Variants in HS3ST4 observed in about 807,000 individuals in gnomAD.
HS3ST4 encodes heparan sulfate-glucosamine 3-sulfotransferase 4, also known as heparan sulfate glucosamine 3-O-sulfotransferase 4.
HS3ST4 carries 17 observed loss-of-function variants against 29.2 expected under a neutral mutation model. That is an observed-to-expected ratio of 0.58 (90% confidence interval 0.40 to 0.87). The LOEUF (loss-of-function observed/expected upper bound fraction) is 0.87, where lower values mean the gene tolerates loss of function less well. HS3ST4 is among the 40% of genes least tolerant of loss of function. HS3ST4 has a pLI of 0.00. For synonymous variants in HS3ST4, 314 were observed against 285.7 expected (o/e 1.10, Z -1.00); for missense variants, 627 against 634.5 (o/e 0.99, Z 0.13).
intron 1 of HS3ST4, among the ~76,000 whole-genome samples, chr16:26,097,296 C>A (rs1275272676): frequency 2.0e-5 from 3 of 152,246 alleles, no homozygotes; most frequent in African/African-American, 7.2e-5. Flanking sequence ...GCAAAAAGAG[C>A]AAAGCTGGAG....
intron 1 of HS3ST4, among the ~76,000 whole-genome samples, chr16:25,977,477 T>C (rs1173193589): frequency 6.6e-6 from 1 of 152,218 alleles, no homozygotes; most frequent in Non-Finnish European, 1.5e-5. Flanking sequence ...TTCCTATCAA[T>C]GCTGAAACAG....
intron 1 of HS3ST4, among the ~76,000 whole-genome samples, chr16:26,015,309 G>A (rs556247573): frequency 2.6e-5 from 4 of 152,304 alleles, no homozygotes; most frequent in East Asian, 1.9e-4. Context: ...GAAACGATAC[G>A]TATTACAACC....
At chr16:25,757,585 A>G (rs554970667) in intron 1 of HS3ST4, among the ~76,000 whole-genome samples, 1 of 148,578 alleles carries the variant, frequency 6.7e-6, no homozygotes, top group Admixed American at 6.7e-5. Context: ...ATAGTAATAT[A>G]TTATATAATA....
At chr16:25,918,131 A>C (rs1460147304) in intron 1 of HS3ST4, among the ~76,000 whole-genome samples, 1 of 152,236 alleles carries the variant, frequency 6.6e-6, no homozygotes, top group Non-Finnish European at 1.5e-5. Flanking sequence ...TTTGTTGGAC[A>C]GTAGGTCTTG....
At chr16:25,762,251 C>T (rs1229011754) in intron 1 of HS3ST4, among the ~76,000 whole-genome samples, 1 of 152,176 alleles carries the variant, frequency 6.6e-6, no homozygotes, top group Non-Finnish European at 1.5e-5. Context: ...TCCGTTACAG[C>T]AGCACAGCTG....
intron 1 of HS3ST4, among the ~76,000 whole-genome samples, chr16:25,730,237 T>C (rs1966561677): frequency 6.6e-6 from 1 of 152,044 alleles, no homozygotes; most frequent in Admixed American, 6.6e-5. Flanking sequence ...ATAGGTGACA[T>C]TTTTTTCTTC....
chr16:25,877,868 C>T (rs1967849095), intron 1 of HS3ST4, among the ~76,000 whole-genome samples: 1 of 152,222 alleles, frequency 6.6e-6, no homozygotes, highest in Non-Finnish European at 1.5e-5. Flanking sequence ...ATTTGCTAGA[C>T]ATTTACTGTG....
At chr16:26,080,101 T>C (rs1312728590) in intron 1 of HS3ST4, among the ~76,000 whole-genome samples, 1 of 152,080 alleles carries the variant, frequency 6.6e-6, no homozygotes, top group Admixed American at 6.5e-5. Context: ...ATACTATTAC[T>C]CTTCAGAAAT....
At chr16:26,022,708 C>T (rs569284027) in intron 1 of HS3ST4, among the ~76,000 whole-genome samples, 1 of 147,386 alleles carries the variant, frequency 6.8e-6, no homozygotes, top group African/African-American at 2.5e-5. Context: ...GAGAGTCTTG[C>T]TATGTTGCCC....
At chr16:26,083,661 T>C (rs371659526) in intron 1 of HS3ST4, among the ~76,000 whole-genome samples, 31 of 152,242 alleles carry the variant, frequency 2.0e-4, no homozygotes, top group African/African-American at 7.5e-4. Flanking sequence ...ATTTAACCCA[T>C]GGACAATGTT....
At chr16:26,032,877 G>C in intron 1 of HS3ST4, 1 of 1,448,816 alleles carries the variant, frequency 6.9e-7, no homozygotes, top group Non-Finnish European at 9.5e-7. Context: ...CGCGGGCTTT[G>C]GTCGGTCTGG....
At chr16:25,807,856 G>T (rs911441104) in intron 1 of HS3ST4, among the ~76,000 whole-genome samples, 1 of 152,102 alleles carries the variant, frequency 6.6e-6, no homozygotes, top group South Asian at 2.1e-4. Context: ...GGTGAGTAGT[G>T]GTATCTCATT....
chr16:25,747,743 T>C (rs1966693900), intron 1 of HS3ST4, among the ~76,000 whole-genome samples: 1 of 152,212 alleles, frequency 6.6e-6, no homozygotes, highest in African/African-American at 2.4e-5. Context: ...CCACTGCCTC[T>C]CAGATGCCCA....
intron 1 of HS3ST4, among the ~76,000 whole-genome samples, chr16:25,845,621 G>C (rs1967457850): frequency 6.7e-6 from 1 of 149,874 alleles, no homozygotes; most frequent in Non-Finnish European, 1.5e-5. Context: ...CAAAATGATT[G>C]TGCCAAGGAA....
chr16:26,061,940 A>C (rs1898480780), intron 1 of HS3ST4, among the ~76,000 whole-genome samples: 3 of 152,184 alleles, frequency 2.0e-5, no homozygotes, highest in Admixed American at 2.0e-4. Flanking sequence ...TATAAAGGTC[A>C]AAATTCACCC....
intron 1 of HS3ST4, among the ~76,000 whole-genome samples, chr16:25,714,933 G>A (rs1454685336): frequency 6.6e-6 from 1 of 152,188 alleles, no homozygotes; most frequent in Non-Finnish European, 1.5e-5. Flanking sequence ...AATTCTGGAT[G>A]CCTTTTGATA....
intron 1 of HS3ST4, among the ~76,000 whole-genome samples, chr16:25,837,383 G>A (rs1249758891): frequency 6.6e-6 from 1 of 151,950 alleles, no homozygotes; most frequent in Non-Finnish European, 1.5e-5. Context: ...AGGAATATGT[G>A]AAAAAAATGA....
rs948581154 is a variant in HS3ST4, at chr16:25,863,310, T to C, written c.734+170159T>C. Reference sequence around the variant, plus strand: ...GTTGGCCAGGATGATCTCAATCTCTTGACCTCCTGATCTGCCCGCTTCAGC... The same window carrying C: ...GTTGGCCAGGATGATCTCAATCTCTCGACCTCCTGATCTGCCCGCTTCAGC... On this transcript the variant is annotated intron_variant, in intron 1 of 1. Coordinates refer to ENST00000331351, the MANE Select transcript of HS3ST4 (RefSeq NM_006040.3). 3.9e-5 allele frequency among the ~76,000 whole-genome samples: 6 copies of C among 152,230 alleles called. No homozygotes were observed. In the East Asian group the frequency reaches 1.2e-3, roughly 29 times the overall value.
chr16:25,692,814 G>A lies in HS3ST4; in HGVS notation c.397G>A (p.Gly133Arg), dbSNP rs1227768876. Reference sequence around the variant, plus strand: ...CGGCTGGGGGCTGCCGAGCGGCGGCGGAGGCGCCCAGGACGCCTGGCTCCG... The same window carrying A: ...CGGCTGGGGGCTGCCGAGCGGCGGCAGAGGCGCCCAGGACGCCTGGCTCCG... ...TDGWGLPSGGGGAQDAWLRTP... is the reference protein window; with the variant it reads ...TDGWGLPSGGRGAQDAWLRTP... Residue 133 changes from glycine to arginine, a missense_variant, in exon 1 of 2, where the codon GGA becomes AGA. Physicochemically the swap from Gly to Arg is moderately radical, Grantham distance 125. Around this residue, in one of 2 missense-constraint regions of HS3ST4, gnomAD observed 402 missense variants for 340.8 expected, o/e 1.18. Coordinates refer to ENST00000331351, the MANE Select transcript of HS3ST4 (RefSeq NM_006040.3). The A allele has an allele frequency of 7.2e-7, 1 of 1,382,782 alleles. No individual in the cohort carries two copies. The highest frequency in any genetic ancestry group is 9.3e-7 in the Non-Finnish European group (1 of 1,077,164). The allele number at this position is 1,382,782 out of a possible 1,614,324, so 85.7% of individuals were successfully genotyped here. A position where few individuals can be genotyped will look rare whatever the true frequency, so the allele number is the denominator to read the frequency against.
Sources: gnomAD v4.1 joint callset for allele counts (sites outside exome capture counted in the v4.1 genomes callset) on GRCh38, gnomAD v4.1.1 for gene constraint, gnomAD v4.1.1 regional missense constraint, MANE v1.5 for transcripts, NCBI Gene and HGNC (gene_info 2026-07-23, HGNC 2026-07-21) for gene names.